The following DYRK1A variants were observed in gnomAD, a reference collection of about 807,000 sequenced individuals.
The protein encoded by DYRK1A is dual specificity tyrosine-phosphorylation-regulated kinase 1A.
Under a neutral mutation model 79.7 loss-of-function variants are expected in DYRK1A, and 9 were observed. The observed-to-expected ratio is 0.11, with a 90% CI of 0.07 to 0.20. DYRK1A has a LOEUF of 0.20. Among genes scored for constraint, DYRK1A ranks in the 10% least tolerant of loss-of-function variants. The pLI is 1.00. For synonymous variants in DYRK1A, 349 were observed against 329.7 expected (o/e 1.06, Z -0.63); for missense variants, 622 against 956.0 (o/e 0.65, Z 4.61).
At chr21:37,496,866 C>G (rs977593716) in intron 9 of DYRK1A, among the ~76,000 whole-genome samples, 1 of 152,040 alleles carries the variant, frequency 6.6e-6, no homozygotes, top group Non-Finnish European at 1.5e-5. Context: ...TTTCTTTTAT[C>G]TGAGGACTTT....
intron 1 of DYRK1A, among the ~76,000 whole-genome samples, chr21:37,395,073 C>T (rs2049936596): frequency 6.6e-6 from 1 of 152,184 alleles, no homozygotes; most frequent in South Asian, 2.1e-4. Flanking sequence ...TGGATTGTTT[C>T]ATCCATTTAA....
rs1184337740 is a variant in DYRK1A at position 37,480,646 on chromosome 21, T to C, written c.309T>C (p.Tyr103=). The change falls in exon 5 of 12, where the codon TAT becomes TAC. Residue 103 remains tyrosine (Y), a synonymous_variant. Transcript: ENST00000647188. ...KTYKHINEVY[Y]AKKKRRHQQG... is the part of the protein sequence containing the mutation. Reference sequence around the variant, plus strand: ...ATGTATTCTCATTTCAGGTTTACTATGCAAAAAAGAAGCGAAGACACCAAC... The same window carrying C: ...ATGTATTCTCATTTCAGGTTTACTACGCAAAAAAGAAGCGAAGACACCAAC... The C allele has an allele frequency of 6.3e-7, 1 of 1,589,448 alleles. No homozygotes were observed. Among genetic ancestry groups the C allele is most frequent in the Admixed American group, 1.9e-5 (1 of 53,186 alleles).
intron 2 of DYRK1A, among the ~76,000 whole-genome samples, chr21:37,426,919 T>TCAAAA (rs70940562): frequency 1.4e-4 from 17 of 119,298 alleles, no homozygotes; most frequent in African/African-American, 5.3e-4. Context: ...GACTCGGTTC[T>TCAAAA]AAAAAAAAAA....
chr21:37,473,275 A>G (rs2052289513), intron 3 of DYRK1A, among the ~76,000 whole-genome samples: 1 of 152,196 alleles, frequency 6.6e-6, no homozygotes, highest in Non-Finnish European at 1.5e-5. Context: ...ACCTTTCTAC[A>G]CATTTGTAAA....
intron 5 of DYRK1A, among the ~76,000 whole-genome samples, chr21:37,485,536 C>T (rs1187628537): frequency 6.6e-6 from 1 of 152,182 alleles, no homozygotes; most frequent in Non-Finnish European, 1.5e-5. Context: ...TGGTTTCATC[C>T]TGCACCTTGG....
intron 2 of DYRK1A, chr21:37,456,033 C>T (rs1407619290): frequency 6.6e-6 from 1 of 152,228 alleles, no homozygotes; most frequent in Non-Finnish European, 1.5e-5. Context: ...CCCTCTTAGG[C>T]TGTTTTAGAA....
intron 2 of DYRK1A, among the ~76,000 whole-genome samples, chr21:37,437,464 C>T (rs1276463199): frequency 6.6e-6 from 1 of 152,048 alleles, no homozygotes; most frequent in East Asian, 1.9e-4. Context: ...TTTAAAACAG[C>T]TTTATTGTGT....
At chr21:37,388,422 A>G (rs962346933) in intron 1 of DYRK1A, among the ~76,000 whole-genome samples, 2 of 152,032 alleles carry the variant, frequency 1.3e-5, no homozygotes, top group African/African-American at 4.8e-5. Flanking sequence ...CTAGATGTAT[A>G]ATTTCACTTT....
At chr21:37,385,433 T>G (rs1265165017) in intron 1 of DYRK1A, among the ~76,000 whole-genome samples, 1 of 152,220 alleles carries the variant, frequency 6.6e-6, no homozygotes, top group Non-Finnish European at 1.5e-5. Flanking sequence ...CAGCAAACAT[T>G]TGCCATCAGT....
chr21:37,478,045 C>T, intron 3 of DYRK1A, 163 bp from the exon 4 acceptor site: 1 of 897,120 alleles, frequency 1.1e-6, no homozygotes, highest in Non-Finnish European at 1.7e-6. Context: ...TTGGAATCCA[C>T]ATGAAAGGGA....
chr21:37,457,029 CTTACTTACTTATTTATTTATTTATTTAT>C (rs1376706734), intron 2 of DYRK1A, among the ~76,000 whole-genome samples: 12 of 87,826 alleles, frequency 1.4e-4, no homozygotes, highest in African/African-American at 2.7e-4. Context: ...TACTTACTTA[CTTACTTACTTATTTATTTATTTATTTAT>C]TTATTTATTT....
chr21:37,464,229 G>A (rs561729489), intron 2 of DYRK1A: 37 of 463,766 alleles, frequency 8.0e-5, no homozygotes, highest in African/African-American at 7.3e-4. Context: ...TTATGTCCCA[G>A]TCTTTGAGAT....
At chr21:37,502,773 T>C (rs1466902588) in intron 9 of DYRK1A, 1 of 152,206 alleles carries the variant, frequency 6.6e-6, no homozygotes, top group African/African-American at 2.4e-5. Flanking sequence ...CCTTTAACTT[T>C]TATTTTGTAA....
At chr21:37,379,117 C>G (rs1416046341) in intron 1 of DYRK1A, among the ~76,000 whole-genome samples, 1 of 151,838 alleles carries the variant, frequency 6.6e-6, no homozygotes, top group Non-Finnish European at 1.5e-5. Context: ...CACTTGTGGA[C>G]ATGAGAGTGG....
chr21:37,465,530 T>A (rs2051996465), intron 2 of DYRK1A, among the ~76,000 whole-genome samples: 1 of 152,208 alleles, frequency 6.6e-6, no homozygotes, highest in Non-Finnish European at 1.5e-5. Context: ...CATCATCTGA[T>A]GACTTGTTAG....
chr21:37,485,757 T>C lies in DYRK1A; in HGVS notation c.490-710T>C, dbSNP rs1431949798. On this transcript the variant is annotated intron_variant, in intron 5 of 11. Coordinates refer to ENST00000647188, the MANE Select transcript of DYRK1A (RefSeq NM_001347721.2). ...TTTATGTAAATCTTTTATAGTAGTA[T>C]GAACCTCGTTTTAAATGAGTCAGAT... Among the ~76,000 whole-genome samples, 8 of 144,962 alleles carry C rather than the reference T, an allele frequency of 5.5e-5. No homozygotes were observed. The East Asian group carries it at 1.6e-3, about 30-fold the overall frequency.
Position 37,506,439 on chromosome 21 carries a change from A to T in DYRK1A, c.1644+216A>T, listed in dbSNP as rs926845605. ...GGCTAACACTTATTGGGGGCATAAC[A>T]GTTGTTGTTTTGAACAGTTTTTTTC... On this transcript the variant is annotated intron_variant, in intron 11 of 11. Coordinates refer to ENST00000647188, the MANE Select transcript of DYRK1A (RefSeq NM_001347721.2). 1.1e-5 allele frequency: 16 copies of T among 1,400,908 alleles called. No individual in the cohort carries two copies. In the African/African-American group the frequency reaches 2.3e-4, roughly 20 times the overall value. The allele number at this position is 1,400,908 out of a possible 1,614,324, so 86.8% of individuals were successfully genotyped here.
intron 3 of DYRK1A, among the ~76,000 whole-genome samples, chr21:37,476,848 A>G (rs930442926): frequency 7.2e-6 from 1 of 139,828 alleles, no homozygotes; most frequent in Non-Finnish European, 1.5e-5. Flanking sequence ...TTTGGAATTA[A>G]GAAGCACAGG....
chr21:37,521,590 G>C lies in DYRK1A; in HGVS notation c.*9059G>C, dbSNP rs1331780994. ...AAGTAAGCCCAGTGTTTTTAAAAGA[G>C]TGTGAACAGAGACCTTATTCTAATC... On this transcript the variant is annotated 3_prime_UTR_variant, in exon 12 of 12. Coordinates refer to ENST00000647188, the MANE Select transcript of DYRK1A (RefSeq NM_001347721.2). 1 of 152,236 alleles carries C rather than the reference G, an allele frequency of 6.6e-6. No homozygotes were observed. The allele number at this position is 152,236 out of a possible 1,614,324, so 9.4% of individuals were successfully genotyped here. A position where few individuals can be genotyped will look rare whatever the true frequency, so the allele number is the denominator to read the frequency against.
Sources: gnomAD v4.1 joint callset for allele counts (sites outside exome capture counted in the v4.1 genomes callset) on GRCh38, gnomAD v4.1.1 for gene constraint, MANE v1.5 for transcripts, NCBI Gene and HGNC (gene_info 2026-07-23, HGNC 2026-07-21) for gene names.